KLRG2: variants seen among roughly 807,000 people sequenced by gnomAD.
KLRG2 encodes killer cell lectin-like receptor subfamily G member 2.
KLRG2 carries 39 observed loss-of-function variants against 35.4 expected under a neutral mutation model. The ratio of observed to expected loss-of-function variants is 1.10; its 90% CI spans 0.85 to 1.44. The LOEUF (loss-of-function observed/expected upper bound fraction) is 1.44, where lower values mean the gene tolerates loss of function less well. Ranked by LOEUF, KLRG2 falls within the 40% of genes most tolerant of loss-of-function variation. KLRG2 has a pLI of 0.00. For missense variants in KLRG2, 632 were observed against 570.9 expected, an observed-to-expected ratio of 1.11 and a Z score of -1.09; for synonymous variants, 283 against 265.8, an observed-to-expected ratio of 1.06 and a Z score of -0.63.
At chr7:139,453,777 C>G (rs978955645) in intron 4 of KLRG2, 70 bp from the exon 5 acceptor site, 1 of 1,583,716 alleles carries the variant, frequency 6.3e-7, no homozygotes, top group South Asian at 1.1e-5. Context: ...CAGCCAGACC[C>G]TCCAGCGTGT....
chr7:139,453,574 G>C lies in KLRG2; in HGVS notation c.*13C>G. On this transcript the variant is annotated 3_prime_UTR_variant, in exon 5 of 5. Transcript: ENST00000340940. ...CATCTGCCTGGCAGGCTGAGGACCAGGCAGAGCCCAGATCACTGGGTCCCC... is the reference window on the plus strand; with the variant it reads ...CATCTGCCTGGCAGGCTGAGGACCACGCAGAGCCCAGATCACTGGGTCCCC... The C allele has an allele frequency of 6.3e-7, 1 of 1,584,852 alleles. No individual in the cohort carries two copies. Among genetic ancestry groups the C allele is most frequent in the Non-Finnish European group, 8.6e-7 (1 of 1,165,650 alleles).
chr7:139,463,719 T>C (rs188785497), intron 3 of KLRG2, among the ~76,000 whole-genome samples: 147 of 152,332 alleles, frequency 9.6e-4, no homozygotes, highest in African/African-American at 2.9e-3. Context: ...CCCAAGGCTC[T>C]CTGACTGACT....
At chr7:139,452,255 C>T (rs559015013), downstream of KLRG2, among the ~76,000 whole-genome samples, 1 of 152,232 alleles carries the variant, frequency 6.6e-6, no homozygotes, top group South Asian at 2.1e-4. Context: ...GGATTACAGG[C>T]ATGAGCCACC....
chr7:139,476,839 T>C (rs911832776), intron 3 of KLRG2, among the ~76,000 whole-genome samples: 1 of 152,172 alleles, frequency 6.6e-6, no homozygotes, highest in African/African-American at 2.4e-5. Flanking sequence ...CTCGTAGCAC[T>C]GTGCACCGTC....
chr7:139,461,904 A>G (rs1398088527), intron 3 of KLRG2, among the ~76,000 whole-genome samples: 1 of 152,132 alleles, frequency 6.6e-6, no homozygotes, highest in Admixed American at 6.6e-5. Context: ...TGGGAGATCA[A>G]TCCCCTGTCC....
chr7:139,482,359 AGTGC>A (rs1489183395), intron 1 of KLRG2, among the ~76,000 whole-genome samples: 1 of 151,850 alleles, frequency 6.6e-6, no homozygotes, highest in East Asian at 1.9e-4. Context: ...AAAGTTCGGG[AGTGC>A]GGGTAGGGGA....
intron 3 of KLRG2, among the ~76,000 whole-genome samples, chr7:139,471,845 G>C (rs968003273): frequency 6.6e-6 from 1 of 152,186 alleles, no homozygotes; most frequent in Non-Finnish European, 1.5e-5. Context: ...CTGTCCCCAG[G>C]CGAGGTGGCA....
At chr7:139,460,403 T>TGCA (rs1585165516) in intron 3 of KLRG2, among the ~76,000 whole-genome samples, 1 of 152,256 alleles carries the variant, frequency 6.6e-6, no homozygotes, top group Admixed American at 6.5e-5. Context: ...CTGGGTCAGG[T>TGCA]GCAGCGGCTC....
intron 4 of KLRG2, among the ~76,000 whole-genome samples, 153 bp downstream of exon 4, chr7:139,453,958 G>A (rs1168788886): frequency 1.3e-5 from 2 of 152,164 alleles, no homozygotes; most frequent in Admixed American, 1.3e-4. Context: ...AGAGTGAAGC[G>A]ACAGGGTCTA....
At position 139,454,762 on chromosome 7, in the gene KLRG2, G is replaced by A. The variant is rs1039676265; in HGVS notation, c.1006-548C>T. 9.9e-5 allele frequency among the ~76,000 whole-genome samples: 15 copies of A among 151,256 alleles called. No individual in the cohort carries two copies. The East Asian group carries it at 1.4e-3, about 14-fold the overall frequency. On this transcript the variant is annotated intron_variant, in intron 3 of 4. Coordinates refer to ENST00000340940, the MANE Select transcript of KLRG2 (RefSeq NM_198508.4). ...GCCCAGGAGACAGAGGTTGCAGTAA[G>A]CCGAGATTGCGCCACTGCATTCCAG...
At chr7:139,444,581 G>A in the KLRG2 span, among the ~76,000 whole-genome samples, 1 of 152,218 alleles carries the variant, frequency 6.6e-6, no homozygotes, top group Non-Finnish European at 1.5e-5. Flanking sequence ...GACACAGTGA[G>A]AGGGTGGCCA....
intron 3 of KLRG2, among the ~76,000 whole-genome samples, chr7:139,456,934 G>A (rs1201934828): frequency 1.6e-5 from 2 of 124,052 alleles, no homozygotes; most frequent in Non-Finnish European, 3.1e-5. Context: ...CGCGCTCACT[G>A]CCAAAAATCA....
chr7:139,451,505 A>C (rs532708541), downstream of KLRG2, among the ~76,000 whole-genome samples: 414 of 139,630 alleles, frequency 3.0e-3, 1 homozygote, highest in African/African-American at 9.8e-3. Context: ...CCTCAAAAAA[A>C]AATTTTTTTT....
the KLRG2 span, among the ~76,000 whole-genome samples, chr7:139,437,897 T>C: frequency 0.37 from 56,629 of 152,076 alleles, 14,341 homozygotes; most frequent in African/African-American, 0.72. Context: ...GCCTGCAGCT[T>C]CATCTACTTC....
intron 3 of KLRG2, among the ~76,000 whole-genome samples, chr7:139,457,358 C>CA (rs1219000331): frequency 6.6e-6 from 1 of 152,138 alleles, no homozygotes; most frequent in Non-Finnish European, 1.5e-5. Flanking sequence ...CACCAGGGCT[C>CA]AGTGCCTCTT....
intron 3 of KLRG2, among the ~76,000 whole-genome samples, chr7:139,469,214 C>A (rs981538583): frequency 6.6e-6 from 1 of 152,160 alleles, no homozygotes; most frequent in Non-Finnish European, 1.5e-5. Context: ...GGCTGGAGTG[C>A]GGTGGTGCGA....
At chr7:139,447,288 C>G in the KLRG2 span, among the ~76,000 whole-genome samples, 760 of 152,248 alleles carry the variant, frequency 5.0e-3, 7 homozygotes, top group African/African-American at 0.017. Context: ...TTACACGAAC[C>G]TATAGGTTAG....
At chr7:139,466,020 T>C (rs1796647858) in intron 3 of KLRG2, among the ~76,000 whole-genome samples, 1 of 152,152 alleles carries the variant, frequency 6.6e-6, no homozygotes, top group African/African-American at 2.4e-5. Flanking sequence ...TCCATGTAGG[T>C]TACAAGCCGC....
chr7:139,447,349 C>T, the KLRG2 span, among the ~76,000 whole-genome samples: 2 of 151,784 alleles, frequency 1.3e-5, no homozygotes, highest in Non-Finnish European at 2.9e-5. Flanking sequence ...TCCTAAGCCA[C>T]AAACCTGTAC....
Sources: gnomAD v4.1 joint callset for allele counts (sites outside exome capture counted in the v4.1 genomes callset) on GRCh38, gnomAD v4.1.1 for gene constraint, MANE v1.5 for transcripts, NCBI Gene and HGNC (gene_info 2026-07-23, HGNC 2026-07-21) for gene names.